NMNAT2: variants seen among roughly 807,000 people sequenced by gnomAD.
NMNAT2 encodes the protein nicotinamide nucleotide adenylyltransferase 2, also known as nicotinamide/nicotinic acid mononucleotide adenylyltransferase 2.
A neutral mutation model predicts 41.6 loss-of-function variants in NMNAT2; 11 were observed. That is an observed-to-expected ratio of 0.26 (90% CI 0.17 to 0.44). The LOEUF (loss-of-function observed/expected upper bound fraction) is 0.44. Among genes scored for constraint, NMNAT2 ranks in the 20% least tolerant of loss-of-function variants. The pLI is 1.00. For missense variants in NMNAT2, 288 were observed against 407.7 expected, an observed-to-expected ratio of 0.71 and a Z score of 2.53; for synonymous variants, 148 against 151.2, an observed-to-expected ratio of 0.98 and a Z score of 0.16.
At chr1:183,360,469 A>G (rs1571618997) in intron 1 of NMNAT2, among the ~76,000 whole-genome samples, 1 of 151,758 alleles carries the variant, frequency 6.6e-6, no homozygotes, top group Non-Finnish European at 1.5e-5. Flanking sequence ...ATTTTCAGAC[A>G]CCCATTTCAC....
intron 1 of NMNAT2, among the ~76,000 whole-genome samples, chr1:183,374,591 T>G (rs961592460): frequency 6.6e-6 from 1 of 152,238 alleles, no homozygotes; most frequent in Non-Finnish European, 1.5e-5. Flanking sequence ...CATTTTCCTT[T>G]CAGAGCATTT....
At chr1:183,379,282 G>A (rs1384543174) in intron 1 of NMNAT2, among the ~76,000 whole-genome samples, 3 of 152,068 alleles carry the variant, frequency 2.0e-5, no homozygotes, top group Admixed American at 2.0e-4. Context: ...CTGGGCTAAA[G>A]CAATCCTCCT....
At chr1:183,334,815 C>T (rs1396445778) in intron 1 of NMNAT2, among the ~76,000 whole-genome samples, 2 of 152,168 alleles carry the variant, frequency 1.3e-5, no homozygotes, top group Admixed American at 6.5e-5. Flanking sequence ...TGGCCCAAGG[C>T]CACCCATTCT....
chr1:183,329,412 C>G (rs1282934661), intron 1 of NMNAT2, among the ~76,000 whole-genome samples: 1 of 152,040 alleles, frequency 6.6e-6, no homozygotes, highest in Non-Finnish European at 1.5e-5. Flanking sequence ...CCATTTTAAC[C>G]CATTAAAGTG....
chr1:183,377,014 C>T (rs1211542773), intron 1 of NMNAT2, among the ~76,000 whole-genome samples: 1 of 152,110 alleles, frequency 6.6e-6, no homozygotes, highest in Non-Finnish European at 1.5e-5. Flanking sequence ...GGAAGGAGAA[C>T]AGCAACTGCT....
chr1:183,315,952 A>G (rs901040216), intron 1 of NMNAT2, among the ~76,000 whole-genome samples: 1 of 152,104 alleles, frequency 6.6e-6, no homozygotes, highest in African/African-American at 2.4e-5. Context: ...GAACTAAAAA[A>G]CCAACAAATT....
At chr1:183,366,259 T>G (rs1039067908) in intron 1 of NMNAT2, among the ~76,000 whole-genome samples, 10 of 152,216 alleles carry the variant, frequency 6.6e-5, no homozygotes, top group African/African-American at 2.4e-4. Flanking sequence ...GCTATACACC[T>G]TGGGCAAATC....
rs1422040930 is a variant in NMNAT2, at chr1:183,248,891, AGTG to A, written c.*3747_*3749del. 2 of 142,644 alleles carry A rather than the reference AGTG, an allele frequency of 1.4e-5. No individual in the cohort carries two copies. Among genetic ancestry groups the A allele is most frequent in the African/African-American group, 5.2e-5 (2 of 38,276 alleles). 8.8% of individuals were successfully genotyped at this position (142,644 alleles called of 1,614,324 possible). On this transcript the variant is annotated 3_prime_UTR_variant, in exon 11 of 11. Transcript: ENST00000287713. Reference sequence around the variant, plus strand: ...CTTCTCTCTCTTAGTCCCCTAAAAGAGTGTGTGTGTGTGTGTGTGTGTGTGTGT... The same window carrying A: ...CTTCTCTCTCTTAGTCCCCTAAAAGATGTGTGTGTGTGTGTGTGTGTGTGT...
At chr1:183,386,189 C>A (rs534856835) in intron 1 of NMNAT2, among the ~76,000 whole-genome samples, 7 of 151,858 alleles carry the variant, frequency 4.6e-5, no homozygotes, top group African/African-American at 1.5e-4. Context: ...ATATCCACTT[C>A]GAGAAGATTA....
intron 1 of NMNAT2, among the ~76,000 whole-genome samples, chr1:183,375,010 G>A (rs1348279941): frequency 6.6e-6 from 1 of 152,144 alleles, no homozygotes; most frequent in Non-Finnish European, 1.5e-5. Flanking sequence ...TTTCAAAAGA[G>A]GGAAGCATTC....
chr1:183,382,653 A>G (rs147248756), intron 1 of NMNAT2, among the ~76,000 whole-genome samples: 1 of 152,312 alleles, frequency 6.6e-6, no homozygotes, highest in Non-Finnish European at 1.5e-5. Flanking sequence ...CAAAACTAAG[A>G]TTCTATAGGC....
At chr1:183,385,598 A>T (rs1172512456) in intron 1 of NMNAT2, among the ~76,000 whole-genome samples, 3 of 145,420 alleles carry the variant, frequency 2.1e-5, no homozygotes, top group South Asian at 2.2e-4. Context: ...AGAGCCTGGA[A>T]TTTTTTTTTT....
At chr1:183,282,025 G>T (rs1443619182) in intron 7 of NMNAT2, among the ~76,000 whole-genome samples, 1 of 152,200 alleles carries the variant, frequency 6.6e-6, no homozygotes, top group Admixed American at 6.5e-5. Flanking sequence ...TGAAGCCCGG[G>T]CCCTGCAGCC....
intron 1 of NMNAT2, among the ~76,000 whole-genome samples, chr1:183,357,588 CA>C (rs1288796295): frequency 6.6e-6 from 1 of 152,130 alleles, no homozygotes; most frequent in Non-Finnish European, 1.5e-5. Flanking sequence ...CACTGTCTTC[CA>C]AAATGGTTGG....
intron 8 of NMNAT2, among the ~76,000 whole-genome samples, chr1:183,266,307 T>C (rs976762013): frequency 1.3e-5 from 2 of 152,188 alleles, no homozygotes; most frequent in Non-Finnish European, 2.9e-5. Context: ...GCCAGACTGA[T>C]TATGTTAAAA....
At chr1:183,352,009 G>T (rs529456549) in intron 1 of NMNAT2, among the ~76,000 whole-genome samples, 1 of 152,138 alleles carries the variant, frequency 6.6e-6, no homozygotes, top group Non-Finnish European at 1.5e-5. Context: ...TGGATCCCAT[G>T]TAAGCCCAAG....
At chr1:183,283,628 T>C in intron 7 of NMNAT2, 1 of 343,000 alleles carries the variant, frequency 2.9e-6, no homozygotes, top group South Asian at 2.3e-5. Flanking sequence ...AAGCACTGAA[T>C]GAGGAAGGCC....
chr1:183,253,941 GTGTA>G (rs1445481646), intron 10 of NMNAT2, among the ~76,000 whole-genome samples: 1 of 147,668 alleles, frequency 6.8e-6, no homozygotes, highest in South Asian at 2.2e-4. Context: ...GTGTGTGTGT[GTGTA>G]TGTGTGTGTG....
In NMNAT2 at chr1:183,355,120, T is replaced by C. The variant is rs149120735; in HGVS notation, c.86-61327A>G. ...CATTCTCCCACTCCCCTTGCCCCTTTCTTCCTCAGTTTCCACATTCTCACC... is the reference window on the plus strand; with the variant it reads ...CATTCTCCCACTCCCCTTGCCCCTTCCTTCCTCAGTTTCCACATTCTCACC... On this transcript the variant is annotated intron_variant, in intron 1 of 10. Transcript: ENST00000287713. Among the ~76,000 whole-genome samples the C allele has an allele frequency of 5.2e-3, 794 of 152,242 alleles. 7 individuals are homozygous for C. The highest frequency in any genetic ancestry group is 0.018 in the African/African-American group (730 of 41,538).
Sources: allele counts gnomAD v4.1 joint callset (sites outside exome capture counted in the v4.1 genomes callset), GRCh38; gene constraint gnomAD v4.1.1; transcripts MANE v1.5; gene names NCBI Gene and HGNC (gene_info 2026-07-23, HGNC 2026-07-21).